NEDD4L: variants seen among roughly 807,000 people sequenced by gnomAD.
NEDD4L encodes the protein NEDD4 like E3 ubiquitin protein ligase, also known as E3 ubiquitin-protein ligase NEDD4-like.
Under a neutral mutation model 148.9 loss-of-function variants are expected in NEDD4L, and 54 were observed. The ratio of observed to expected loss-of-function variants is 0.36; its 90% CI spans 0.29 to 0.45. The LOEUF is 0.45. Ranked by LOEUF, NEDD4L falls within the 20% of genes least tolerant of loss-of-function variation. The pLI, the probability that NEDD4L is intolerant of heterozygous loss-of-function variation, is 1.00. For missense variants in NEDD4L, 856 were observed against 1,233.8 expected, an observed-to-expected ratio of 0.69 and a Z score of 4.59; for synonymous variants, 433 against 440.7, an observed-to-expected ratio of 0.98 and a Z score of 0.22.
rs116177662 is a variant in NEDD4L, at chr18:58,221,668, C to T, written c.123-23759C>T. ...AAGGAGGAAGACGAGGCCAGGGAGC[C>T]GGAGGGTCACCAAGGTAGATTTCCA... is the stretch of plus-strand genomic sequence containing the variant. On this transcript the variant is annotated intron_variant, in intron 2 of 30. Transcript: ENST00000400345. 6,171 of 985,396 alleles carry T rather than the reference C, an allele frequency of 6.3e-3. 189 individuals are homozygous for T. In the African/African-American group the frequency reaches 0.075, roughly 12 times the overall value. 61.0% of individuals were successfully genotyped at this position (985,396 alleles called of 1,614,324 possible). A position where few individuals can be genotyped will look rare whatever the true frequency, so the allele number is the denominator to read the frequency against.
At chr18:58,358,014 A>G (rs924444042) in intron 19 of NEDD4L, among the ~76,000 whole-genome samples, 1 of 152,244 alleles carries the variant, frequency 6.6e-6, no homozygotes, top group Non-Finnish European at 1.5e-5. Flanking sequence ...TTGTACTGCG[A>G]TCAGCAGAAG....
chr18:58,061,480 GTT>G (rs10579186), intron 1 of NEDD4L, among the ~76,000 whole-genome samples: 111 of 148,260 alleles, frequency 7.5e-4, no homozygotes, highest in African/African-American at 1.4e-3. Flanking sequence ...ACTGTGGGTT[GTT>G]TTTTTTTTTT....
chr18:58,125,358 GGT>G (rs34644275), intron 1 of NEDD4L, among the ~76,000 whole-genome samples: 78,591 of 148,410 alleles, frequency 0.53, 20,876 homozygotes, highest in Middle Eastern at 0.63. Flanking sequence ...CCACCAGGAG[GGT>G]GTGTGTGTGT....
intron 1 of NEDD4L, among the ~76,000 whole-genome samples, chr18:58,116,029 CT>C (rs908947645): frequency 2.6e-5 from 4 of 152,190 alleles, no homozygotes; most frequent in African/African-American, 4.8e-5. Context: ...GTACAGCCAA[CT>C]TTCCCCCAAA....
intron 5 of NEDD4L, among the ~76,000 whole-genome samples, chr18:58,315,644 A>G (rs1191682083): frequency 6.6e-6 from 1 of 152,068 alleles, no homozygotes; most frequent in African/African-American, 2.4e-5. Flanking sequence ...TGTTCCCAGC[A>G]TTTGTTTGCC....
chr18:58,075,786 CTGG>C (rs144819999), intron 1 of NEDD4L, among the ~76,000 whole-genome samples: 123 of 152,028 alleles, frequency 8.1e-4, no homozygotes, highest in African/African-American at 2.9e-3. Context: ...TTTAAATTAG[CTGG>C]TGGTGGTGGT....
rs112057373 is a variant in NEDD4L, at chr18:58,213,167, C to T, written c.123-32260C>T. On this transcript the variant is annotated intron_variant, in intron 2 of 30. Coordinates refer to ENST00000400345, the MANE Select transcript of NEDD4L (RefSeq NM_001144967.3). ...TATGGGCAGTTGGGAAATTGAAAAG[C>T]AGATGGGCAATGTATATTAAAATAA... 6.3e-3 allele frequency among the ~76,000 whole-genome samples: 928 copies of T among 148,040 alleles called. 8 individuals are homozygous for T. Among genetic ancestry groups the T allele is most frequent in the African/African-American group, 0.02 (809 of 39,598 alleles).
intron 5 of NEDD4L, among the ~76,000 whole-genome samples, chr18:58,301,013 G>A (rs940426391): frequency 6.6e-6 from 1 of 152,164 alleles, no homozygotes; most frequent in Non-Finnish European, 1.5e-5. Context: ...GAATCGCCGA[G>A]TCTTAGCCCC....
intron 2 of NEDD4L, among the ~76,000 whole-genome samples, chr18:58,220,880 T>G (rs1304505346): frequency 6.6e-6 from 1 of 152,108 alleles, no homozygotes; most frequent in East Asian, 1.9e-4. Flanking sequence ...AGACTACCCC[T>G]CAAACGAGGA....
chr18:58,179,426 C>G (rs1447983971), intron 2 of NEDD4L, among the ~76,000 whole-genome samples: 1 of 152,164 alleles, frequency 6.6e-6, no homozygotes, highest in Non-Finnish European at 1.5e-5. Context: ...TCGTCCTTTA[C>G]TCTCTCATCC....
intron 5 of NEDD4L, among the ~76,000 whole-genome samples, chr18:58,312,769 C>T (rs2057848905): frequency 6.6e-6 from 1 of 152,232 alleles, no homozygotes; most frequent in Admixed American, 6.5e-5. Context: ...CAACCTCCGC[C>T]TCCCGGGTTC....
chr18:58,055,415 C>A (rs138144701), intron 1 of NEDD4L, among the ~76,000 whole-genome samples: 156 of 152,226 alleles, frequency 1.0e-3, no homozygotes, highest in Admixed American at 3.8e-3. Flanking sequence ...CATGTGTTTT[C>A]TATATTTCTA....
intron 5 of NEDD4L, among the ~76,000 whole-genome samples, chr18:58,262,733 T>C (rs1551247): frequency 0.76 from 115,379 of 152,140 alleles, 44,151 homozygotes; most frequent in African/African-American, 0.86. Context: ...TTGATTATTC[T>C]GCTGTGGCTT....
At chr18:58,212,789 A>G (rs2042733325) in intron 2 of NEDD4L, among the ~76,000 whole-genome samples, 1 of 152,206 alleles carries the variant, frequency 6.6e-6, no homozygotes, top group African/African-American at 2.4e-5. Flanking sequence ...ATATTTTTAA[A>G]CTTTTCTGTG....
chr18:58,184,452 G>T (rs547951501), intron 2 of NEDD4L, among the ~76,000 whole-genome samples: 1 of 151,860 alleles, frequency 6.6e-6, no homozygotes, highest in African/African-American at 2.4e-5. Flanking sequence ...CAATCATGCC[G>T]GGCACTAGCA....
chr18:58,355,083 G>A (rs1007492436), intron 18 of NEDD4L, among the ~76,000 whole-genome samples: 14 of 152,228 alleles, frequency 9.2e-5, no homozygotes, highest in African/African-American at 3.4e-4. Context: ...GAGCTCCCAG[G>A]GGATTTCCCA....
chr18:58,071,105 G>A (rs925354536), intron 1 of NEDD4L, among the ~76,000 whole-genome samples: 4 of 152,072 alleles, frequency 2.6e-5, no homozygotes, highest in African/African-American at 7.2e-5. Flanking sequence ...TTGATGAAGC[G>A]CAGATGTTGG....
chr18:58,065,184 A>G (rs541647017), intron 1 of NEDD4L, among the ~76,000 whole-genome samples: 2 of 152,364 alleles, frequency 1.3e-5, no homozygotes, highest in South Asian at 4.1e-4. Flanking sequence ...ACAGTTTGGT[A>G]CTGAAAATTG....
intron 6 of NEDD4L, among the ~76,000 whole-genome samples, chr18:58,316,956 A>C (rs1225840020): frequency 2.7e-5 from 1 of 36,466 alleles, no homozygotes; most frequent in Admixed American, 2.5e-4. Context: ...ACTTTACTTT[A>C]TTTACTTTAT....
Sources: gnomAD v4.1 joint callset for allele counts (sites outside exome capture counted in the v4.1 genomes callset) on GRCh38, gnomAD v4.1.1 for gene constraint, MANE v1.5 for transcripts, NCBI Gene and HGNC (gene_info 2026-07-23, HGNC 2026-07-21) for gene names.